CDK5RAP3: variants seen among roughly 807,000 people sequenced by gnomAD.
CDK5RAP3 encodes CDK5 regulatory subunit associated protein 3, also known as CDK5 regulatory subunit-associated protein 3.
A neutral mutation model predicts 73.3 loss-of-function variants in CDK5RAP3; 58 were observed. The observed-to-expected ratio is 0.79, with a 90% CI of 0.64 to 0.98. CDK5RAP3 has a LOEUF of 0.98. Among genes scored for constraint, CDK5RAP3 ranks in the 50% least tolerant of loss-of-function variants. The probability of loss-of-function intolerance (pLI) is 0.00; values close to 1 mark genes in which losing one functional copy is unlikely to be tolerated. For synonymous variants in CDK5RAP3, 224 were observed against 247.5 expected, an observed-to-expected ratio of 0.91 and a Z score of 0.89; for missense variants, 525 against 615.8, an observed-to-expected ratio of 0.85 and a Z score of 1.56.
chr17:47,978,068 G>C, intron 10 of CDK5RAP3, 158 bp downstream of exon 10: 1 of 377,596 alleles, frequency 2.6e-6, no homozygotes, highest in East Asian at 4.6e-5. Context: ...GACCAAGAGA[G>C]GTTTTTTTTT....
In CDK5RAP3 at chr17:47,974,635, G is replaced by T. The variant is rs369050728; in HGVS notation, c.334+187G>T. ...TGATTTTCCCTGAGTGGAGTGCTGG[G>T]GGAAGGAGGAGGTCCAGGCCGGTAG... On this transcript the variant is annotated intron_variant, in intron 5 of 13. Transcript: ENST00000338399. 4.9e-6 allele frequency: 7 copies of T among 1,417,224 alleles called. No individual in the cohort carries two copies. The South Asian group carries it at 8.6e-5, about 17-fold the overall frequency. The allele number at this position is 1,417,224 out of a possible 1,614,324, so 87.8% of individuals were successfully genotyped here. A position where few individuals can be genotyped will look rare whatever the true frequency, so the allele number is the denominator to read the frequency against.
intron 10 of CDK5RAP3, 30 bp from the exon 11 acceptor site, chr17:47,978,799 C>G (rs1455288183): frequency 6.4e-7 from 1 of 1,565,680 alleles, no homozygotes; most frequent in South Asian, 1.1e-5. Context: ...TCCTCTGATC[C>G]TTTATCACTT....
At chr17:47,972,763 GT>G (rs2144214224) in intron 2 of CDK5RAP3, among the ~76,000 whole-genome samples, 1 of 152,222 alleles carries the variant, frequency 6.6e-6, no homozygotes, top group African/African-American at 2.4e-5. Flanking sequence ...CAGGCACACT[GT>G]TCAGTGTTTT....
chr17:47,972,555 C>T (rs1471288012), intron 2 of CDK5RAP3, among the ~76,000 whole-genome samples: 2 of 152,060 alleles, frequency 1.3e-5, no homozygotes, highest in Non-Finnish European at 2.9e-5. Context: ...ACGGGGGAAG[C>T]TTCTTTAGCC....
upstream of CDK5RAP3, among the ~76,000 whole-genome samples, chr17:47,970,301 G>T (rs1187026922): frequency 6.6e-6 from 1 of 152,158 alleles, no homozygotes; most frequent in Non-Finnish European, 1.5e-5. Context: ...ATAGAGGTTG[G>T]CCTGCCCGCG....
Position 47,981,145 on chromosome 17 carries a change from C to T in CDK5RAP3, c.1284-18C>T, listed in dbSNP as rs779955418. Reference sequence around the variant, plus strand: ...GGATGCACAGCTAACCCAGCACTCACCTGAGTGCCCCGCACAGGTATGTGG... The same window carrying T: ...GGATGCACAGCTAACCCAGCACTCATCTGAGTGCCCCGCACAGGTATGTGG... On this transcript the variant is annotated intron_variant, in intron 12 of 13. Transcript: ENST00000338399. The T allele has an allele frequency of 4.4e-6, 7 of 1,606,934 alleles. No homozygotes were observed. The highest frequency in any genetic ancestry group is 6.0e-6 in the Non-Finnish European group (7 of 1,174,592).
upstream of CDK5RAP3, chr17:47,970,891 G>T: frequency 1.4e-6 from 2 of 1,437,414 alleles, no homozygotes; most frequent in Non-Finnish European, 1.8e-6. Context: ...CCCGTCCCCT[G>T]CCCTGAGCCC....
intron 6 of CDK5RAP3, 66 bp downstream of exon 6, chr17:47,975,403 CG>C: frequency 6.2e-7 from 1 of 1,603,472 alleles, no homozygotes; most frequent in South Asian, 1.1e-5. Context: ...CCTCTGACCC[CG>C]TCTGACCCCT....
chr17:47,971,333 G>GC lies in CDK5RAP3; in HGVS notation c.7-23dup. ...TGGTACGTCCTCTCTCCGCGCTCACGCCCCCCTCCTCACCGTGTTTCCCGC... is the reference window on the plus strand; with the variant it reads ...TGGTACGTCCTCTCTCCGCGCTCACGCCCCCCCTCCTCACCGTGTTTCCCGC... On this transcript the variant is annotated intron_variant, in intron 1 of 13. Transcript: ENST00000338399. 2.5e-6 allele frequency: 4 copies of GC among 1,605,206 alleles called. No individual in the cohort carries two copies. The South Asian group carries it at 3.4e-5, about 13-fold the overall frequency.
rs777682611 is a variant in CDK5RAP3 at position 47,976,703 on chromosome 17, C to A, written c.799-9C>A. 6.3e-6 allele frequency: 10 copies of A among 1,588,032 alleles called. No individual in the cohort carries two copies. The highest frequency in any genetic ancestry group is 6.9e-6 in the Non-Finnish European group (8 of 1,157,958). The stretch of plus-strand genomic sequence containing the variant: ...CTTCCATGAGCTAACACTCTCTTTC[C>A]CTTTCCAGATTGACTGGGGCGACTT... On this transcript the variant is annotated splice_polypyrimidine_tract_variant and intron_variant, in intron 8 of 13. Transcript: ENST00000338399.
Position 47,975,921 on chromosome 17 carries a change from T to G in CDK5RAP3, c.706T>G (p.Ser236Ala). Residue 236 changes from serine to alanine, a missense_variant, in exon 8 of 14, where the codon TCA becomes GCA. By Grantham distance (99) the Ser-to-Ala change is moderately conservative (BLOSUM62 1). This residue lies in a region of CDK5RAP3 where 409 missense variants were observed against 429.8 expected (regional missense o/e 0.95). Coordinates refer to ENST00000338399, the MANE Select transcript of CDK5RAP3 (RefSeq NM_176096.3). Reference protein sequence around the residue: ...MLRFVQKRGNSTVYEWRTGTE... With the variant: ...MLRFVQKRGNATVYEWRTGTE... Reference sequence around the variant, plus strand: ...GCGGTTCGTGCAGAAGCGGGGAAACTCAACGGTGTACGAGTGGAGGACAGG... The same window carrying G: ...GCGGTTCGTGCAGAAGCGGGGAAACGCAACGGTGTACGAGTGGAGGACAGG... The G allele has an allele frequency of 6.2e-7, 1 of 1,614,172 alleles. No homozygotes were observed. Among genetic ancestry groups the G allele is most frequent in the Non-Finnish European group, 8.5e-7 (1 of 1,180,030 alleles).
intron 10 of CDK5RAP3, chr17:47,978,427 T>A (rs1383036676): frequency 5.7e-6 from 1 of 175,468 alleles, no homozygotes; most frequent in East Asian, 1.6e-4. Context: ...AGAGACCACA[T>A]GTGGGCCAGC....
intron 8 of CDK5RAP3, chr17:47,976,496 A>T: frequency 2.2e-6 from 1 of 457,434 alleles, no homozygotes; most frequent in Non-Finnish European, 4.0e-6. Flanking sequence ...GATAGCTGGG[A>T]TTACAGGTTT....
chr17:47,971,991 A>G (rs1325657011), intron 2 of CDK5RAP3, among the ~76,000 whole-genome samples: 7 of 152,024 alleles, frequency 4.6e-5, no homozygotes, highest in Non-Finnish European at 7.4e-5. Context: ...GCGAAACTCC[A>G]TCTCAAAAAG....
rs1356380643 is a variant in CDK5RAP3, at chr17:47,975,290, G to T, written c.466G>T (p.Glu156Ter). The T allele has an allele frequency of 3.1e-6, 5 of 1,614,064 alleles. No individual in the cohort carries two copies. In the South Asian group the frequency reaches 5.5e-5, roughly 18 times the overall value. Reference protein sequence around the residue: ...KEEECQAGAAEMREQFYHSCK... With the variant: ...KEEECQAGAA The stretch of plus-strand genomic sequence containing the variant: ...GGAGGAGTGCCAGGCAGGGGCTGCC[G>T]AGATGCGGGAGCAGTTCTACCACTC... Residue 156 changes from glutamate (E) to a stop codon, truncating the protein, a stop_gained, in exon 6 of 14, where the codon GAG becomes TAG. Coordinates refer to ENST00000338399, the MANE Select transcript of CDK5RAP3 (RefSeq NM_176096.3). LOFTEE classifies it high-confidence loss of function.
At position 47,981,150 on chromosome 17, in the gene CDK5RAP3, G is replaced by A. The variant is rs749178158; in HGVS notation, c.1284-13G>A. 19 of 1,608,484 alleles carry A rather than the reference G, an allele frequency of 1.2e-5. No homozygotes were observed. Among genetic ancestry groups the A allele is most frequent in the Non-Finnish European group, 1.6e-5 (19 of 1,175,746 alleles). ...CACAGCTAACCCAGCACTCACCTGA[G>A]TGCCCCGCACAGGTATGTGGACCGA... On this transcript the variant is annotated splice_polypyrimidine_tract_variant and intron_variant, in intron 12 of 13. Coordinates refer to ENST00000338399, the MANE Select transcript of CDK5RAP3 (RefSeq NM_176096.3).
At chr17:47,971,013 G>A (rs1377213544), upstream of CDK5RAP3, 9 of 1,512,578 alleles carry the variant, frequency 6.0e-6, no homozygotes, top group East Asian at 2.0e-4. Flanking sequence ...ACCCTGATTG[G>A]CTGTACGGAA....
chr17:47,971,285 G>A (rs2036256299), intron 1 of CDK5RAP3, 77 bp from the exon 2 acceptor site: 2 of 1,552,440 alleles, frequency 1.3e-6, no homozygotes, highest in Non-Finnish European at 1.7e-6. Context: ...GTGGTGGTTG[G>A]GACGTTGAAA....
At chr17:47,980,326 T>G (rs995930163) in intron 11 of CDK5RAP3, 20 of 458,646 alleles carry the variant, frequency 4.4e-5, no homozygotes, top group African/African-American at 3.9e-4. Context: ...TGGAGTGCAG[T>G]GCAGCAATCA....
Sources: allele counts gnomAD v4.1 joint callset (sites outside exome capture counted in the v4.1 genomes callset), GRCh38; gene constraint gnomAD v4.1.1; regional missense constraint gnomAD v4.1.1; transcripts MANE v1.5; gene names NCBI Gene and HGNC (gene_info 2026-07-23, HGNC 2026-07-21).